KIRREL1: variants seen among roughly 807,000 people sequenced by gnomAD.
KIRREL1 encodes the protein kirre like nephrin family adhesion molecule 1.
In KIRREL1, 25 loss-of-function variants were observed where a neutral mutation model predicts 83.3. The ratio of observed to expected loss-of-function variants is 0.30; its 90% CI spans 0.22 to 0.42. KIRREL1 has a LOEUF of 0.42. Among genes scored for constraint, KIRREL1 ranks in the 10% least tolerant of loss-of-function variants. KIRREL1 has a pLI of 1.00. For missense variants in KIRREL1, 812 were observed against 1,032.3 expected, an observed-to-expected ratio of 0.79 and a Z score of 2.92; for synonymous variants, 388 against 410.4, an observed-to-expected ratio of 0.95 and a Z score of 0.66.
intron 1 of KIRREL1, among the ~76,000 whole-genome samples, chr1:158,040,372 A>G (rs1044629661): frequency 1.3e-5 from 2 of 152,220 alleles, no homozygotes; most frequent in Non-Finnish European, 2.9e-5. Flanking sequence ...GAAAAGAAAA[A>G]AACTGTGACT....
intron 1 of KIRREL1, among the ~76,000 whole-genome samples, chr1:158,054,803 A>G (rs1180915909): frequency 2.0e-5 from 3 of 152,126 alleles, no homozygotes; most frequent in Non-Finnish European, 4.4e-5. Flanking sequence ...AATTCAACAA[A>G]TATTTATTTT....
At position 158,060,553 on chromosome 1, in the gene KIRREL1, G is replaced by A. The variant is rs1011286047; in HGVS notation, c.53-15560G>A. ...CGCCTCCACTGAGACTTTCTGCTGCGCCTTCCTCCTCCTTTAACTCCCTTA... is the reference window on the plus strand; with the variant it reads ...CGCCTCCACTGAGACTTTCTGCTGCACCTTCCTCCTCCTTTAACTCCCTTA... On this transcript the variant is annotated intron_variant, in intron 1 of 14. Coordinates refer to ENST00000359209, the MANE Select transcript of KIRREL1 (RefSeq NM_018240.7). 1.4e-4 allele frequency among the ~76,000 whole-genome samples: 21 copies of A among 151,980 alleles called. No homozygotes were observed. In the South Asian group the frequency reaches 1.5e-3, roughly 11 times the overall value.
At chr1:158,077,916 G>A (rs1661730571) in intron 2 of KIRREL1, 75 bp from the exon 3 acceptor site, 1 of 1,531,082 alleles carries the variant, frequency 6.5e-7, no homozygotes, top group South Asian at 1.2e-5. Context: ...AGGGCAGAGG[G>A]AGGAGTACTG....
intron 1 of KIRREL1, among the ~76,000 whole-genome samples, chr1:158,040,456 T>G (rs531520727): frequency 6.6e-6 from 1 of 152,366 alleles, no homozygotes; most frequent in African/African-American, 2.4e-5. Flanking sequence ...CAGCAAAGGT[T>G]TGATGGAATG....
chr1:158,074,697 CAGG>C (rs1661618917), intron 1 of KIRREL1, among the ~76,000 whole-genome samples: 1 of 151,988 alleles, frequency 6.6e-6, no homozygotes, highest in African/African-American at 2.4e-5. Context: ...ACATGTAGAG[CAGG>C]TTTGAGGAAA....
chr1:158,064,836 C>T (rs1040671481), intron 1 of KIRREL1, among the ~76,000 whole-genome samples: 7 of 151,936 alleles, frequency 4.6e-5, no homozygotes, highest in African/African-American at 1.5e-4. Flanking sequence ...CATACCTTCC[C>T]GTATTAGTTG....
intron 5 of KIRREL1, 94 bp downstream of exon 5, chr1:158,086,840 A>AGTCCCCCTATG: frequency 8.3e-7 from 1 of 1,207,132 alleles, no homozygotes; most frequent in Non-Finnish European, 1.2e-6. Flanking sequence ...ACAAACTAAG[A>AGTCCCCCTATG]GTCCCCCTAT....
intron 1 of KIRREL1, among the ~76,000 whole-genome samples, chr1:158,019,016 C>G (rs548366000): frequency 6.6e-6 from 1 of 152,312 alleles, no homozygotes; most frequent in East Asian, 1.9e-4. Context: ...TTCCTGTTCC[C>G]GTTTCTCTGG....
At chr1:158,062,625 CA>C (rs1485362870) in intron 1 of KIRREL1, among the ~76,000 whole-genome samples, 1 of 152,212 alleles carries the variant, frequency 6.6e-6, no homozygotes, top group East Asian at 1.9e-4. Flanking sequence ...GGCTGTATAC[CA>C]ACACTAGTAT....
chr1:158,004,396 G>A (rs1659455248), intron 1 of KIRREL1, among the ~76,000 whole-genome samples: 1 of 152,186 alleles, frequency 6.6e-6, no homozygotes, highest in Admixed American at 6.5e-5. Context: ...GACCAGTGAT[G>A]TAGGTAATCC....
At chr1:158,017,092 A>C (rs6659171) in intron 1 of KIRREL1, among the ~76,000 whole-genome samples, 146,130 of 152,228 alleles carry the variant, frequency 0.96, 70,410 homozygotes, top group East Asian at 1. Context: ...GGTGCTCTGG[A>C]TGTGTCAAGT....
At chr1:158,035,693 A>AT (rs554939312) in intron 1 of KIRREL1, among the ~76,000 whole-genome samples, 15 of 151,980 alleles carry the variant, frequency 9.9e-5, no homozygotes, top group African/African-American at 1.7e-4. Context: ...AAATCCTAGT[A>AT]TTTTTTTTAC....
intron 1 of KIRREL1, among the ~76,000 whole-genome samples, chr1:158,028,052 A>G (rs1394324461): frequency 6.6e-6 from 1 of 151,240 alleles, no homozygotes; most frequent in African/African-American, 2.4e-5. Context: ...TCCCTACACA[A>G]CTCCTCCTCC....
Position 158,046,366 on chromosome 1 carries a change from G to T in KIRREL1, c.53-29747G>T, listed in dbSNP as rs1048672865. Among the ~76,000 whole-genome samples the T allele has an allele frequency of 5.9e-5, 9 of 152,280 alleles. 1 individual carries two copies. Among genetic ancestry groups the T allele is most frequent in the South Asian group, 4.1e-4 (2 of 4,826 alleles). ...GGCTTTGACTGAGAAGACCAAGTTT[G>T]GGGGTGGAAGATCGGGAGCTCAGTT... On this transcript the variant is annotated intron_variant, in intron 1 of 14. Transcript: ENST00000359209.
intron 7 of KIRREL1, 62 bp from the exon 8 acceptor site, chr1:158,088,250 CAGGGCAGGAGGAAGA>C: frequency 1.9e-6 from 3 of 1,602,946 alleles, no homozygotes; most frequent in Non-Finnish European, 2.6e-6. Flanking sequence ...GGGGAGGTAG[CAGGGCAGGAGGAAGA>C]TTGATTGGAG....
chr1:158,072,259 G>T (rs1661536784), intron 1 of KIRREL1, among the ~76,000 whole-genome samples: 1 of 152,046 alleles, frequency 6.6e-6, no homozygotes, highest in South Asian at 2.1e-4. Flanking sequence ...TGGGGTCAGG[G>T]GCATGCTCTG....
At chr1:158,026,177 A>G (rs1161529950) in intron 1 of KIRREL1, among the ~76,000 whole-genome samples, 1 of 152,148 alleles carries the variant, frequency 6.6e-6, no homozygotes, top group African/African-American at 2.4e-5. Context: ...CAGCACCTCC[A>G]TGGGGCCTTT....
chr1:158,017,705 T>G (rs1659872038), intron 1 of KIRREL1, among the ~76,000 whole-genome samples: 2 of 151,468 alleles, frequency 1.3e-5, no homozygotes, highest in South Asian at 4.2e-4. Flanking sequence ...AAAACAAAAA[T>G]AATAAAAAAT....
At chr1:158,047,894 C>T (rs1472628329) in intron 1 of KIRREL1, among the ~76,000 whole-genome samples, 2 of 152,146 alleles carry the variant, frequency 1.3e-5, no homozygotes, top group Non-Finnish European at 2.9e-5. Flanking sequence ...ACCTCATGCC[C>T]CTTCTCCTGA....
Sources: gnomAD v4.1 joint callset for allele counts (sites outside exome capture counted in the v4.1 genomes callset) on GRCh38, gnomAD v4.1.1 for gene constraint, MANE v1.5 for transcripts, NCBI Gene and HGNC (gene_info 2026-07-23, HGNC 2026-07-21) for gene names.